Variants in CACNA1I observed in about 807,000 individuals in gnomAD.
CACNA1I encodes the protein calcium voltage-gated channel subunit alpha1 I.
CACNA1I carries 74 observed loss-of-function variants against 201.6 expected under a neutral mutation model. That is an observed-to-expected ratio of 0.37 (90% CI 0.30 to 0.45). The LOEUF (loss-of-function observed/expected upper bound fraction) is 0.45, where lower values mean the gene tolerates loss of function less well. CACNA1I is among the 20% of genes least tolerant of loss of function. CACNA1I has a pLI of 1.00. For missense variants in CACNA1I, 2,346 were observed against 3,138.1 expected, an observed-to-expected ratio of 0.75 and a Z score of 6.03; for synonymous variants, 1,431 against 1,345.2, an observed-to-expected ratio of 1.06 and a Z score of -1.40.
intron 1 of CACNA1I, among the ~76,000 whole-genome samples, chr22:39,574,623 GGTTGACGGT>G (rs1200648905): frequency 6.6e-6 from 1 of 152,130 alleles, no homozygotes; most frequent in African/African-American, 2.4e-5. Context: ...GGCATTTGGG[GGTTGACGGT>G]GCTTTGTAGT....
At position 39,591,244 on chromosome 22, in the gene CACNA1I, CCT is replaced by C. The variant is rs1932818057; in HGVS notation, c.237-6905_237-6904del. ...GCGCGATCTCAGCTCACTGCAACCT[CCT>C]CACCTCCCGGGTTCAAGCGATCCTC... On this transcript the variant is annotated intron_variant, in intron 1 of 36. Transcript: ENST00000402142. 3.3e-5 allele frequency among the ~76,000 whole-genome samples: 5 copies of C among 151,256 alleles called. No individual in the cohort carries two copies. The South Asian group carries it at 1.0e-3, about 32-fold the overall frequency.
Position 39,662,105 on chromosome 22 carries a change from C to T in CACNA1I, c.3042C>T (p.Gly1014=). The T allele has an allele frequency of 4.6e-6, 7 of 1,527,160 alleles. No homozygotes were observed. Among genetic ancestry groups the T allele is most frequent in the East Asian group, 2.6e-5 (1 of 38,470 alleles). The allele number at this position is 1,527,160 out of a possible 1,614,324, so 94.6% of individuals were successfully genotyped here. A position where few individuals can be genotyped will look rare whatever the true frequency, so the allele number is the denominator to read the frequency against. The change falls in exon 17 of 37, where the codon GGC becomes GGT. Residue 1014 remains glycine (G), a synonymous_variant. Coordinates refer to ENST00000402142, the MANE Select transcript of CACNA1I (RefSeq NM_021096.4). ...ESLLSAERGG[G]ARVCEVAADE... Reference sequence around the variant, plus strand: ...TGCTCTCTGCGGAGCGCGGCGGCGGCGCCCGGGTCTGCGAGGTTGCCGCGG... The same window carrying T: ...TGCTCTCTGCGGAGCGCGGCGGCGGTGCCCGGGTCTGCGAGGTTGCCGCGG...
At chr22:39,640,030 G>T (rs1034971937) in intron 5 of CACNA1I, among the ~76,000 whole-genome samples, 2 of 152,178 alleles carry the variant, frequency 1.3e-5, no homozygotes, top group Admixed American at 1.3e-4. Context: ...ATGAAGCATA[G>T]ATTAACCCTT....
At chr22:39,634,402 G>A (rs556996679) in intron 4 of CACNA1I, among the ~76,000 whole-genome samples, 163 bp from the exon 5 acceptor site, 103 of 152,252 alleles carry the variant, frequency 6.8e-4, no homozygotes, top group African/African-American at 2.4e-3. Flanking sequence ...CAGATAAAAA[G>A]GAGAGGGTGT....
intron 3 of CACNA1I, among the ~76,000 whole-genome samples, chr22:39,605,573 A>C (rs775858453): frequency 5.9e-5 from 9 of 152,250 alleles, no homozygotes; most frequent in Non-Finnish European, 1.2e-4. Flanking sequence ...TGAACAAGAC[A>C]GGCCCTTTGT....
At chr22:39,588,358 C>A (rs1932781548) in intron 1 of CACNA1I, among the ~76,000 whole-genome samples, 1 of 143,692 alleles carries the variant, frequency 7.0e-6, no homozygotes, top group Non-Finnish European at 1.5e-5. Context: ...ATGTGCAGTT[C>A]AAGGCGTTTT....
intron 7 of CACNA1I, 61 bp downstream of exon 7, chr22:39,642,950 AG>A: frequency 1.7e-6 from 2 of 1,199,558 alleles, no homozygotes; most frequent in South Asian, 1.3e-5. Flanking sequence ...AGGGGACCTG[AG>A]GAGGGAGGGT....
intron 1 of CACNA1I, among the ~76,000 whole-genome samples, chr22:39,589,744 C>T (rs1932800187): frequency 6.6e-6 from 1 of 152,154 alleles, no homozygotes; most frequent in South Asian, 2.1e-4. Flanking sequence ...GAGGCCTGAG[C>T]TCCCCCTCCT....
chr22:39,581,329 T>C (rs28481540), intron 1 of CACNA1I, among the ~76,000 whole-genome samples: 3 of 152,074 alleles, frequency 2.0e-5, no homozygotes, highest in Admixed American at 6.5e-5. Flanking sequence ...GCCTGGTGTG[T>C]GGGCTGGGAG....
intron 6 of CACNA1I, 30 bp downstream of exon 6, chr22:39,641,212 G>T (rs1271427686): frequency 6.3e-7 from 1 of 1,585,134 alleles, no homozygotes; most frequent in Non-Finnish European, 8.6e-7. Context: ...GGGCCAGCCT[G>T]GTCCTAGAGT....
In CACNA1I at chr22:39,648,923, G is replaced by A. The variant is rs369598359; in HGVS notation, c.1568-578G>A. 4.0e-5 allele frequency among the ~76,000 whole-genome samples: 6 copies of A among 151,868 alleles called. No individual in the cohort carries two copies. The highest frequency in any genetic ancestry group is 2.0e-4 in the East Asian group (1 of 5,092). On this transcript the variant is annotated intron_variant, in intron 9 of 36. Transcript: ENST00000402142. This position sits in a 1 kb window ranked among gnomAD's most constrained non-coding sequence, Gnocchi z 5.4. ...CGCTGCCCCCACCTCCACCCCTTGC[G>A]TGGAGGGAAGTCCCAGGGGCTTCTG... is the stretch of plus-strand genomic sequence containing the variant.
intron 10 of CACNA1I, among the ~76,000 whole-genome samples, chr22:39,650,733 C>T (rs1934622385): frequency 6.6e-6 from 1 of 152,232 alleles, no homozygotes; most frequent in African/African-American, 2.4e-5. Context: ...TCTGCATGTC[C>T]CTCCTGTGGG....
chr22:39,588,128 ATTTTTT>A (rs35332612), intron 1 of CACNA1I, among the ~76,000 whole-genome samples: 1 of 90,588 alleles, frequency 1.1e-5, no homozygotes, highest in Non-Finnish European at 2.1e-5. Context: ...GTTGCTCTTC[ATTTTTT>A]TTTTTTTTTT....
Position 39,629,921 on chromosome 22 carries a change from C to A in CACNA1I, c.581-4644C>A, listed in dbSNP as rs1934009791. 6.6e-6 allele frequency among the ~76,000 whole-genome samples: 1 copy of A among 152,166 alleles called. No individual in the cohort carries two copies. The highest frequency in any genetic ancestry group is 2.4e-5 in the African/African-American group (1 of 41,410). On this transcript the variant is annotated intron_variant, in intron 4 of 36. Transcript: ENST00000402142. The surrounding 1 kb of genome is among the most constrained non-coding windows in gnomAD (Gnocchi z 4.8). The stretch of plus-strand genomic sequence containing the variant: ...CCCAGCAATCCTCTCACCCCTTCCC[C>A]AGATCACGTCTCCCTTCTGCTCCAT...
In CACNA1I at chr22:39,676,127, A is replaced by C. The variant is rs989267587; in HGVS notation, c.4855-1214A>C. Among the ~76,000 whole-genome samples the C allele has an allele frequency of 2.0e-5, 3 of 152,208 alleles. No individual in the cohort carries two copies. The highest frequency in any genetic ancestry group is 4.4e-5 in the Non-Finnish European group (3 of 68,042). ...CTGCCGGCTCTGAGATGCTGACAGC[A>C]GGGAGGGGACAGATAGAAAAGCTGA... On this transcript the variant is annotated intron_variant, in intron 29 of 36. Coordinates refer to ENST00000402142, the MANE Select transcript of CACNA1I (RefSeq NM_021096.4). The surrounding 1 kb of genome is among the most constrained non-coding windows in gnomAD (Gnocchi z 4.8).
intron 5 of CACNA1I, among the ~76,000 whole-genome samples, chr22:39,638,012 C>T (rs1359970830): frequency 6.6e-6 from 1 of 152,146 alleles, no homozygotes; most frequent in Non-Finnish European, 1.5e-5. Flanking sequence ...CAGCTCACTG[C>T]CACCTCCGCC....
At chr22:39,651,883 C>A (rs1934660470) in intron 10 of CACNA1I, among the ~76,000 whole-genome samples, 1 of 152,176 alleles carries the variant, frequency 6.6e-6, no homozygotes, top group Admixed American at 6.5e-5. Flanking sequence ...CTGGTCCCTG[C>A]CTTTTCACCC....
chr22:39,646,920 C>A, intron 8 of CACNA1I, 39 bp downstream of exon 8: 1 of 1,453,554 alleles, frequency 6.9e-7, no homozygotes, highest in East Asian at 2.5e-5. Flanking sequence ...TCAGGCACTT[C>A]GTGCCAAGTG....
chr22:39,672,884 GGTGT>G, intron 27 of CACNA1I, 61 bp from the exon 28 acceptor site: 2 of 1,531,594 alleles, frequency 1.3e-6, no homozygotes, highest in Non-Finnish European at 1.8e-6. Flanking sequence ...CCCCCACTAA[GGTGT>G]GTCTGAACCA....
Sources: allele counts gnomAD v4.1 joint callset (sites outside exome capture counted in the v4.1 genomes callset), GRCh38; gene constraint gnomAD v4.1.1; non-coding constraint Gnocchi (gnomAD v3.1); transcripts MANE v1.5; gene names NCBI Gene and HGNC (gene_info 2026-07-23, HGNC 2026-07-21).